The following RAB3GAP1 variants were observed in gnomAD, a reference collection of about 807,000 sequenced individuals.
RAB3GAP1 encodes RAB3 GTPase activating protein catalytic subunit 1.
A neutral mutation model predicts 130.7 loss-of-function variants in RAB3GAP1; 86 were observed. That is an observed-to-expected ratio of 0.66 (90% CI 0.55 to 0.79). The LOEUF (loss-of-function observed/expected upper bound fraction) is 0.79. RAB3GAP1 is among the 30% of genes least tolerant of loss of function. The pLI is 0.00. For missense variants in RAB3GAP1, 1,029 were observed against 1,169.4 expected (o/e 0.88, Z 1.75); for synonymous variants, 367 against 401.7 (o/e 0.91, Z 1.03).
intron 7 of RAB3GAP1, among the ~76,000 whole-genome samples, chr2:135,117,992 A>G (rs781277968): frequency 3.3e-5 from 5 of 152,046 alleles, no homozygotes; most frequent in Non-Finnish European, 4.4e-5. Flanking sequence ...ATTTGGGACT[A>G]TAGGTGTGTA....
intron 11 of RAB3GAP1, among the ~76,000 whole-genome samples, chr2:135,127,000 C>T (rs543967049): frequency 2.0e-5 from 3 of 151,864 alleles, no homozygotes; most frequent in East Asian, 2.0e-4. Context: ...CTCAGCCTCC[C>T]GAGTAGCTGG....
Position 135,115,096 on chromosome 2 carries a change from TTG to T in RAB3GAP1, c.483-116_483-115del, listed in dbSNP as rs1469207046. The T allele has an allele frequency of 5.5e-6, 5 of 903,036 alleles. No individual in the cohort carries two copies. The African/African-American group carries it at 8.4e-5, about 15-fold the overall frequency. 55.9% of individuals were successfully genotyped at this position (903,036 alleles called of 1,614,324 possible). ...TTATACACACAAACCTGTGTTTTTG[TTG>T]TGTTTCCAGTTTAGTGCTTTCAAAT... On this transcript the variant is annotated intron_variant, in intron 6 of 23. Coordinates refer to ENST00000264158, the MANE Select transcript of RAB3GAP1 (RefSeq NM_012233.3).
intron 11 of RAB3GAP1, 77 bp downstream of exon 11, chr2:135,126,733 T>G: frequency 8.0e-7 from 1 of 1,245,444 alleles, no homozygotes; most frequent in Non-Finnish European, 1.2e-6. Context: ...GCATACATTC[T>G]TTATACTTTG....
At position 135,170,569 on chromosome 2, in the gene RAB3GAP1, C is replaced by T. The variant is rs1692822580; in HGVS notation, c.*1788C>T. 1 of 152,198 alleles carries T rather than the reference C, an allele frequency of 6.6e-6. No homozygotes were observed. The highest frequency in any genetic ancestry group is 6.5e-5 in the Admixed American group (1 of 15,286). 9.4% of individuals were successfully genotyped at this position (152,198 alleles called of 1,614,324 possible). A position where few individuals can be genotyped will look rare whatever the true frequency, so the allele number is the denominator to read the frequency against. On this transcript the variant is annotated 3_prime_UTR_variant, in exon 24 of 24. Transcript: ENST00000264158. The stretch of plus-strand genomic sequence containing the variant: ...ACTCCCTTACAGGGAAAACTGACAC[C>T]ACGTTGCCACAAAATGTTGAGTATA...
At chr2:135,074,024 C>A (rs1359618216) in intron 3 of RAB3GAP1, among the ~76,000 whole-genome samples, 1 of 152,146 alleles carries the variant, frequency 6.6e-6, no homozygotes, top group Non-Finnish European at 1.5e-5. Context: ...GATCTCCTGG[C>A]ACTAGGGCCT....
intron 16 of RAB3GAP1, 40 bp from the exon 17 acceptor site, chr2:135,135,524 T>G: frequency 6.5e-7 from 1 of 1,535,374 alleles, no homozygotes; most frequent in Non-Finnish European, 8.8e-7. Flanking sequence ...TATTTTTCTG[T>G]AACTAATTCA....
chr2:135,154,204 A>C (rs1692248825), intron 19 of RAB3GAP1, among the ~76,000 whole-genome samples: 1 of 152,256 alleles, frequency 6.6e-6, no homozygotes, highest in Non-Finnish European at 1.5e-5. Context: ...AAATATACAA[A>C]GATCTATGTA....
intron 3 of RAB3GAP1, among the ~76,000 whole-genome samples, chr2:135,085,219 A>C (rs1262430014): frequency 3.3e-5 from 5 of 152,158 alleles, no homozygotes; most frequent in Non-Finnish European, 7.4e-5. Context: ...TATAACTTCT[A>C]ATTATGTTAC....
intron 8 of RAB3GAP1, 91 bp downstream of exon 8, chr2:135,121,009 A>G (rs1057389006): frequency 1.3e-5 from 12 of 939,612 alleles, no homozygotes; most frequent in South Asian, 1.1e-4. Context: ...AAGAGTTTCA[A>G]GTGTTTTACA....
At chr2:135,065,183 TTG>T (rs1689284505) in intron 3 of RAB3GAP1, among the ~76,000 whole-genome samples, 1 of 152,184 alleles carries the variant, frequency 6.6e-6, no homozygotes. Context: ...CCCTCAAACT[TTG>T]TCCGGTGTCA....
intron 3 of RAB3GAP1, among the ~76,000 whole-genome samples, chr2:135,087,063 T>G (rs922442580): frequency 6.6e-6 from 1 of 152,232 alleles, no homozygotes; most frequent in Non-Finnish European, 1.5e-5. Flanking sequence ...GCTTTTTGTG[T>G]CTGGTCAAAG....
intron 5 of RAB3GAP1, among the ~76,000 whole-genome samples, chr2:135,109,414 A>G (rs1690727109): frequency 6.6e-6 from 1 of 152,040 alleles, no homozygotes; most frequent in Admixed American, 6.6e-5. Context: ...CTAGATTTTT[A>G]CAATTAAATT....
chr2:135,128,068 A>G (rs942706407), intron 11 of RAB3GAP1, among the ~76,000 whole-genome samples: 5 of 152,232 alleles, frequency 3.3e-5, no homozygotes, highest in Non-Finnish European at 7.3e-5. Flanking sequence ...TATGACAGTA[A>G]TGATGCATTT....
chr2:135,167,577 C>G, intron 23 of RAB3GAP1: 1 of 827,448 alleles, frequency 1.2e-6, no homozygotes, highest in Non-Finnish European at 1.9e-6. Flanking sequence ...GGATCATGTT[C>G]CATAATGTAG....
At chr2:135,143,779 G>A (rs1449931194) in intron 17 of RAB3GAP1, among the ~76,000 whole-genome samples, 5 of 151,932 alleles carry the variant, frequency 3.3e-5, no homozygotes, top group Non-Finnish European at 7.4e-5. Context: ...GGATGGTCTC[G>A]ATCTCCTGAC....
chr2:135,098,436 A>G (rs1050268603), intron 5 of RAB3GAP1, among the ~76,000 whole-genome samples: 1 of 152,192 alleles, frequency 6.6e-6, no homozygotes, highest in Non-Finnish European at 1.5e-5. Flanking sequence ...GTTCAGTTTT[A>G]TCAATTTTTA....
At chr2:135,165,796 C>G (rs1692626822) in intron 23 of RAB3GAP1, among the ~76,000 whole-genome samples, 1 of 152,164 alleles carries the variant, frequency 6.6e-6, no homozygotes, top group Non-Finnish European at 1.5e-5. Flanking sequence ...AGTTCACTAC[C>G]CAGAAGCTTA....
At chr2:135,090,386 T>C (rs1433783933) in intron 3 of RAB3GAP1, among the ~76,000 whole-genome samples, 2 of 152,194 alleles carry the variant, frequency 1.3e-5, no homozygotes, top group Non-Finnish European at 2.9e-5. Flanking sequence ...TCCTGCCTTA[T>C]GTGGTGCTAT....
Position 135,168,634 on chromosome 2 carries a change from C to A in RAB3GAP1, c.2799C>A (p.Pro933=). The A allele has an allele frequency of 6.2e-7, 1 of 1,614,214 alleles. No homozygotes were observed. The highest frequency in any genetic ancestry group is 1.3e-5 in the African/African-American group (1 of 75,050). The change falls in exon 24 of 24, where the codon CCC becomes CCA. Residue 933 remains proline (P), a synonymous_variant. Transcript: ENST00000264158. ...RRQNSVSDFP[P]PAGREFILRT... is the part of the protein sequence containing the mutation. ...AGAACTCCGTGTCAGACTTCCCACC[C>A]CCTGCTGGCCGGGAATTCATTTTGC...
Sources: gnomAD v4.1 joint callset for allele counts (sites outside exome capture counted in the v4.1 genomes callset) on GRCh38, gnomAD v4.1.1 for gene constraint, MANE v1.5 for transcripts, NCBI Gene and HGNC (gene_info 2026-07-23, HGNC 2026-07-21) for gene names.